The following CPNE8 variants were observed in gnomAD, a reference collection of about 807,000 sequenced individuals.
CPNE8 encodes the protein copine 8.
Under a neutral mutation model 81.5 loss-of-function variants are expected in CPNE8, and 45 were observed. That is an observed-to-expected ratio of 0.55 (90% CI 0.44 to 0.71). The LOEUF (loss-of-function observed/expected upper bound fraction) is 0.71. Ranked by LOEUF, CPNE8 falls within the 30% of genes least tolerant of loss-of-function variation. The pLI is 0.00. For synonymous variants in CPNE8, 252 were observed against 226.3 expected, an observed-to-expected ratio of 1.11 and a Z score of -1.02; for missense variants, 594 against 672.1, an observed-to-expected ratio of 0.88 and a Z score of 1.28.
Position 38,776,294 on chromosome 12 carries a change from G to C in CPNE8, c.415C>G (p.Pro139Ala), listed in dbSNP as rs775182485. 15 of 1,510,338 alleles carry C rather than the reference G, an allele frequency of 9.9e-6. No individual in the cohort carries two copies. The highest frequency in any genetic ancestry group is 1.4e-5 in the Non-Finnish European group (15 of 1,111,064). 93.6% of individuals were successfully genotyped at this position (1,510,338 alleles called of 1,614,324 possible). ...SRLEKPIVGI[P>A]GKKCGTIILT... The stretch of plus-strand genomic sequence containing the variant: ...ATGATTGTACCACATTTCTTCCCTG[G>C]AATTCCTCTAAAACAACAAAAATAT... Residue 139 changes from proline (P) to alanine (A), a missense_variant, in exon 7 of 20, where the codon CCA (proline) becomes GCA (alanine). By Grantham distance (27) the Pro-to-Ala change is conservative. Coordinates refer to ENST00000331366, the MANE Select transcript of CPNE8 (RefSeq NM_153634.3).
chr12:38,810,013 CCAT>C (rs745923398), intron 6 of CPNE8, among the ~76,000 whole-genome samples: 11 of 152,268 alleles, frequency 7.2e-5, no homozygotes, highest in Non-Finnish European at 1.3e-4. Flanking sequence ...GTTCACAACT[CCAT>C]CAACTGAGTC....
intron 6 of CPNE8, among the ~76,000 whole-genome samples, chr12:38,791,034 G>A (rs190462365): frequency 1.5e-4 from 23 of 151,560 alleles, no homozygotes; most frequent in East Asian, 9.7e-4. Flanking sequence ...TACATTCTTC[G>A]TTAATGCCAA....
chr12:38,704,934 G>C (rs1019373423), intron 13 of CPNE8, among the ~76,000 whole-genome samples: 1 of 39,334 alleles, frequency 2.5e-5, no homozygotes. Flanking sequence ...TTTTTTTTTT[G>C]CTGATGGAAA....
chr12:38,715,306 T>C (rs1010528566), intron 13 of CPNE8, among the ~76,000 whole-genome samples: 4 of 152,078 alleles, frequency 2.6e-5, no homozygotes, highest in Admixed American at 6.6e-5. Flanking sequence ...AAACTAAGTA[T>C]TTGGATTAAG....
At chr12:38,796,778 G>T (rs1019682922) in intron 6 of CPNE8, among the ~76,000 whole-genome samples, 5 of 152,212 alleles carry the variant, frequency 3.3e-5, no homozygotes, top group Admixed American at 3.3e-4. Flanking sequence ...TGGTCAGGGA[G>T]TTCCCTTTCC....
chr12:38,739,540 A>C (rs1315173133), intron 10 of CPNE8, among the ~76,000 whole-genome samples: 1 of 152,192 alleles, frequency 6.6e-6, no homozygotes, highest in Non-Finnish European at 1.5e-5. Context: ...AATGAAAGGA[A>C]TATCCTTGCC....
chr12:38,834,526 C>T (rs1175303494), intron 5 of CPNE8, among the ~76,000 whole-genome samples: 1 of 152,140 alleles, frequency 6.6e-6, no homozygotes, highest in Non-Finnish European at 1.5e-5. Context: ...ACATATATTC[C>T]AAATCTGACC....
At chr12:38,755,153 T>C (rs957812642) in intron 10 of CPNE8, among the ~76,000 whole-genome samples, 2 of 152,198 alleles carry the variant, frequency 1.3e-5, no homozygotes, top group African/African-American at 4.8e-5. Context: ...ACAGCATTTG[T>C]ATGGCATTTT....
chr12:38,817,868 C>T (rs956581902), intron 6 of CPNE8, among the ~76,000 whole-genome samples: 15 of 152,212 alleles, frequency 9.9e-5, no homozygotes, highest in African/African-American at 3.4e-4. Flanking sequence ...CGTGATCCTC[C>T]TGCCTTGGCC....
At chr12:38,704,117 G>C (rs114874979) in intron 13 of CPNE8, among the ~76,000 whole-genome samples, 253 of 152,182 alleles carry the variant, frequency 1.7e-3, no homozygotes, top group African/African-American at 5.9e-3. Context: ...ATGGAAGAAG[G>C]GTGGCTTGAG....
chr12:38,724,134 G>A (rs1940638616), intron 12 of CPNE8, among the ~76,000 whole-genome samples: 1 of 152,142 alleles, frequency 6.6e-6, no homozygotes, highest in African/African-American at 2.4e-5. Context: ...ATGAAAGGGA[G>A]TTGGAAAATG....
intron 1 of CPNE8, among the ~76,000 whole-genome samples, chr12:38,877,420 C>T (rs114721130): frequency 6.2e-4 from 95 of 152,092 alleles, no homozygotes; most frequent in African/African-American, 2.1e-3. Flanking sequence ...CCTCCATGGA[C>T]TTGTCATCTG....
At chr12:38,758,083 TA>T (rs1327583322) in intron 10 of CPNE8, among the ~76,000 whole-genome samples, 1 of 152,132 alleles carries the variant, frequency 6.6e-6, no homozygotes, top group Non-Finnish European at 1.5e-5. Context: ...GTCTCAAAAG[TA>T]AATTACTATT....
intron 5 of CPNE8, among the ~76,000 whole-genome samples, chr12:38,830,445 A>G (rs1943267143): frequency 6.6e-6 from 1 of 152,206 alleles, no homozygotes; most frequent in African/African-American, 2.4e-5. Context: ...GTGCAAACTC[A>G]TATATCTATA....
chr12:38,806,532 C>G (rs554350658), intron 6 of CPNE8, among the ~76,000 whole-genome samples: 10 of 149,890 alleles, frequency 6.7e-5, no homozygotes, highest in Non-Finnish European at 7.4e-5. Context: ...TGCAGAAAAG[C>G]CCTTTGACAA....
In CPNE8 at chr12:38,693,770, G is replaced by T. The variant is rs1417696892; in HGVS notation, c.1030C>A (p.Leu344Ile). 5 of 1,613,414 alleles carry T rather than the reference G, an allele frequency of 3.1e-6. No individual in the cohort carries two copies. The highest frequency in any genetic ancestry group is 4.2e-6 in the Non-Finnish European group (5 of 1,179,610). ...PYQLNAYGMA[L>I]KAVGEIVQDY... ...TGAACAATTTCTCCCACTGCTTTTA[G>T]TGCCATACCATAGGCATTCAGTTGG... The change falls in exon 15 of 20, where the codon CTA becomes ATA. Residue 344 changes from leucine (L) to isoleucine (I), a missense_variant. Transcript: ENST00000331366.
At chr12:38,890,687 C>T (rs1043547557) in intron 1 of CPNE8, among the ~76,000 whole-genome samples, 1 of 152,098 alleles carries the variant, frequency 6.6e-6, no homozygotes, top group African/African-American at 2.4e-5. Flanking sequence ...GTGAAACCAT[C>T]ACGTGCTGCT....
chr12:38,679,500 TAA>T, intron 16 of CPNE8: 1 of 663,098 alleles, frequency 1.5e-6, no homozygotes, highest in Non-Finnish European at 1.9e-6. Context: ...TGAAAACCAT[TAA>T]AGCTGTAGAA....
chr12:38,707,169 C>A (rs1217539968), intron 13 of CPNE8, among the ~76,000 whole-genome samples: 1 of 151,806 alleles, frequency 6.6e-6, no homozygotes. Context: ...TAAAAAATAA[C>A]CAGGTTGGGT....
Sources: allele counts gnomAD v4.1 joint callset (sites outside exome capture counted in the v4.1 genomes callset), GRCh38; gene constraint gnomAD v4.1.1; transcripts MANE v1.5; gene names NCBI Gene and HGNC (gene_info 2026-07-23, HGNC 2026-07-21).